Variants in PITPNC1 observed in about 807,000 individuals in gnomAD.
PITPNC1 encodes the protein cytoplasmic phosphatidylinositol transfer protein 1.
PITPNC1 carries 18 observed loss-of-function variants against 44.7 expected under a neutral mutation model. That is an observed-to-expected ratio of 0.40 (90% confidence interval 0.28 to 0.60). PITPNC1 has a LOEUF of 0.60. Ranked by LOEUF, PITPNC1 falls within the 20% of genes least tolerant of loss-of-function variation. PITPNC1 has a pLI of 0.39. For synonymous variants in PITPNC1, 141 were observed against 149.6 expected (o/e 0.94, Z 0.42); for missense variants, 290 against 418.4 (o/e 0.69, Z 2.68).
chr17:67,442,771 C>A (rs2143927093), intron 1 of PITPNC1, among the ~76,000 whole-genome samples: 1 of 151,958 alleles, frequency 6.6e-6, no homozygotes. Context: ...AGGAGAATTG[C>A]TTGAACCAGG....
intron 1 of PITPNC1, among the ~76,000 whole-genome samples, chr17:67,421,865 A>C (rs1311337410): frequency 6.6e-6 from 1 of 152,148 alleles, no homozygotes; most frequent in Non-Finnish European, 1.5e-5. Flanking sequence ...AAGCCACCAA[A>C]TCCTTCCTTG....
At chr17:67,439,783 G>A (rs949581835) in intron 1 of PITPNC1, among the ~76,000 whole-genome samples, 1 of 151,980 alleles carries the variant, frequency 6.6e-6, no homozygotes, top group African/African-American at 2.4e-5. Flanking sequence ...ATGTGTTCAC[G>A]GATTGTGTGA....
At chr17:67,451,677 C>T (rs983442397) in intron 1 of PITPNC1, among the ~76,000 whole-genome samples, 1 of 149,312 alleles carries the variant, frequency 6.7e-6, no homozygotes, top group East Asian at 2.0e-4. Context: ...CTCGCTCTGT[C>T]GCCCAGGCTG....
intron 1 of PITPNC1, among the ~76,000 whole-genome samples, chr17:67,420,098 A>G (rs551381580): frequency 3.3e-5 from 5 of 152,290 alleles, no homozygotes; most frequent in Admixed American, 6.5e-5. Context: ...GAAACAAGCA[A>G]TGCTTTTCAG....
chr17:67,534,170 C>T (rs184757223), intron 2 of PITPNC1, among the ~76,000 whole-genome samples: 101 of 152,098 alleles, frequency 6.6e-4, no homozygotes, highest in East Asian at 2.5e-3. Flanking sequence ...GCTGGGATTA[C>T]GGGCATGAGC....
At chr17:67,473,546 G>A (rs984584944) in intron 1 of PITPNC1, among the ~76,000 whole-genome samples, 5 of 149,642 alleles carry the variant, frequency 3.3e-5, no homozygotes, top group Non-Finnish European at 6.0e-5. Flanking sequence ...CTCGTGATCT[G>A]CACGCCTCAG....
intron 7 of PITPNC1, among the ~76,000 whole-genome samples, chr17:67,672,058 C>T (rs1020855142): frequency 1.3e-5 from 2 of 151,948 alleles, no homozygotes; most frequent in African/African-American, 4.8e-5. Flanking sequence ...CCTGAGCCTC[C>T]TGAGTAGCTG....
chr17:67,582,309 C>T (rs1020224525), intron 5 of PITPNC1, among the ~76,000 whole-genome samples: 1 of 152,072 alleles, frequency 6.6e-6, no homozygotes, highest in Non-Finnish European at 1.5e-5. Context: ...CTTGTCTCAC[C>T]GCGTTTCCAA....
Position 67,607,514 on chromosome 17 carries a change from T to C in PITPNC1, c.367-24629T>C, listed in dbSNP as rs376504573. Among the ~76,000 whole-genome samples, 55 of 152,346 alleles carry C rather than the reference T, an allele frequency of 3.6e-4. No individual in the cohort carries two copies. In the South Asian group the frequency reaches 0.011, roughly 32 times the overall value. On this transcript the variant is annotated intron_variant, in intron 5 of 8. Transcript: ENST00000581322. ...TTGCTCCAAACCAGCACAAGATTTT[T>C]TGTAGCCTTCTTTTACACTTCTTAT...
intron 1 of PITPNC1, among the ~76,000 whole-genome samples, chr17:67,434,762 G>A (rs1005587771): frequency 6.7e-6 from 1 of 149,958 alleles, no homozygotes; most frequent in African/African-American, 2.5e-5. Context: ...GCAGTGAGCT[G>A]TTGCAACAGG....
intron 6 of PITPNC1, among the ~76,000 whole-genome samples, chr17:67,660,690 C>T (rs190772417): frequency 6.6e-6 from 1 of 151,756 alleles, no homozygotes; most frequent in Non-Finnish European, 1.5e-5. Flanking sequence ...GGATTACAGG[C>T]ACATGCCACC....
At chr17:67,459,408 G>A (rs940551611) in intron 1 of PITPNC1, among the ~76,000 whole-genome samples, 3 of 152,096 alleles carry the variant, frequency 2.0e-5, no homozygotes, top group African/African-American at 4.8e-5. Context: ...GTGAGCCACC[G>A]TGCCCAGCCT....
chr17:67,616,406 G>A (rs1171693093), intron 5 of PITPNC1, among the ~76,000 whole-genome samples: 1 of 152,208 alleles, frequency 6.6e-6, no homozygotes, highest in Non-Finnish European at 1.5e-5. Flanking sequence ...CTCCCAAAGT[G>A]CTGGGGTTAC....
At chr17:67,460,310 C>T (rs1227280934) in intron 1 of PITPNC1, among the ~76,000 whole-genome samples, 1 of 152,188 alleles carries the variant, frequency 6.6e-6, no homozygotes, top group African/African-American at 2.4e-5. Flanking sequence ...CAGGGTTTAG[C>T]CTTCAACTGT....
chr17:67,380,083 T>TC (rs2037935112), intron 1 of PITPNC1, among the ~76,000 whole-genome samples: 1 of 151,480 alleles, frequency 6.6e-6, no homozygotes, highest in African/African-American at 2.4e-5. Flanking sequence ...CTTTTCTTTT[T>TC]TTTTTTTTTG....
At chr17:67,552,427 T>G (rs1568037567) in intron 3 of PITPNC1, 82 bp downstream of exon 3, 1 of 815,772 alleles carries the variant, frequency 1.2e-6, no homozygotes, top group East Asian at 2.4e-5. Flanking sequence ...TTACAGTGGA[T>G]TATCCAAGCA....
chr17:67,505,489 C>T (rs2040088672), intron 1 of PITPNC1, among the ~76,000 whole-genome samples: 1 of 152,124 alleles, frequency 6.6e-6, no homozygotes, highest in South Asian at 2.1e-4. Flanking sequence ...TCTCTGGTAC[C>T]ATTTTTTGTT....
At chr17:67,648,948 G>C (rs570962760) in intron 6 of PITPNC1, among the ~76,000 whole-genome samples, 2 of 152,196 alleles carry the variant, frequency 1.3e-5, no homozygotes, top group African/African-American at 4.8e-5. Flanking sequence ...GAGGCCAGGA[G>C]TTTGAGACCA....
At chr17:67,404,587 A>G (rs2038369132) in intron 1 of PITPNC1, among the ~76,000 whole-genome samples, 1 of 152,244 alleles carries the variant, frequency 6.6e-6, no homozygotes, top group South Asian at 2.1e-4. Context: ...TTCACCAAGC[A>G]TGCTCTAAAC....
Sources: allele counts gnomAD v4.1 joint callset (sites outside exome capture counted in the v4.1 genomes callset), GRCh38; gene constraint gnomAD v4.1.1; transcripts MANE v1.5; gene names NCBI Gene and HGNC (gene_info 2026-07-23, HGNC 2026-07-21).